Variants in LRRC17 observed in about 807,000 individuals in gnomAD.
LRRC17 encodes leucine rich repeat containing 17, also known as leucine-rich repeat-containing protein 17.
In LRRC17, 33 loss-of-function variants were observed where a neutral mutation model predicts 41.5. The observed-to-expected ratio is 0.80, with a 90% CI of 0.60 to 1.06. The LOEUF (loss-of-function observed/expected upper bound fraction) is 1.06, where lower values mean the gene tolerates loss of function less well. Ranked by LOEUF, LRRC17 falls within the 50% of genes least tolerant of loss-of-function variation. LRRC17 has a pLI of 0.00. For synonymous variants in LRRC17, 192 were observed against 197.0 expected, an observed-to-expected ratio of 0.97 and a Z score of 0.21; for missense variants, 491 against 519.3, an observed-to-expected ratio of 0.95 and a Z score of 0.53.
At chr7:102,932,671 T>C (rs1162099006) in intron 1 of LRRC17, among the ~76,000 whole-genome samples, 3 of 106,246 alleles carry the variant, frequency 2.8e-5, no homozygotes, top group South Asian at 6.4e-4. Flanking sequence ...GTTGGCTCAC[T>C]GCAGCCTCAA....
intron 2 of LRRC17, chr7:102,936,291 G>A (rs954832587): frequency 2.0e-5 from 3 of 152,216 alleles, no homozygotes; most frequent in Non-Finnish European, 4.4e-5. Context: ...GAGGCTCAAA[G>A]AGGTTCAGTC....
chr7:102,919,453 G>T (rs1371844736), intron 1 of LRRC17, among the ~76,000 whole-genome samples: 1 of 152,090 alleles, frequency 6.6e-6, no homozygotes, highest in Non-Finnish European at 1.5e-5. Flanking sequence ...CCCTAGCTGA[G>T]AAAAAATATA....
In LRRC17 at chr7:102,944,531, A is replaced by G. The variant is rs1469030133; in HGVS notation, c.1250A>G (p.Glu417Gly). ...AYPESFDQDT[E>G]DDEWEKKHRD... is the part of the protein sequence containing the mutation. ...CCTGAGTCATTTGACCAAGACACAGAAGATGATGAATGGGAAAAAAAACAT... is the reference window on the plus strand; with the variant it reads ...CCTGAGTCATTTGACCAAGACACAGGAGATGATGAATGGGAAAAAAAACAT... Residue 417 changes from glutamate (E) to glycine (G), a missense_variant, in exon 4 of 4, where the codon GAA (glutamate) becomes GGA (glycine). Glu to Gly is a moderately conservative substitution (Grantham distance 98). Coordinates refer to ENST00000339431, the MANE Select transcript of LRRC17 (RefSeq NM_001031692.3). The G allele has an allele frequency of 6.2e-7, 1 of 1,613,794 alleles. No homozygotes were observed.
At chr7:102,934,944 G>A (rs1246161592) in intron 2 of LRRC17, among the ~76,000 whole-genome samples, 2 of 152,152 alleles carry the variant, frequency 1.3e-5, no homozygotes, top group African/African-American at 2.4e-5. Context: ...TTTGCACATC[G>A]CAAGCTGTCA....
At chr7:102,918,998 T>A (rs117315142) in intron 1 of LRRC17, among the ~76,000 whole-genome samples, 2 of 152,324 alleles carry the variant, frequency 1.3e-5, no homozygotes, top group Non-Finnish European at 2.9e-5. Context: ...CTGGAGGATC[T>A]TAAGTAATTC....
At position 102,944,427 on chromosome 7, in the gene LRRC17, A is replaced by G; in HGVS notation, c.1146A>G (p.Glu382=). 1 of 1,614,112 alleles carries G rather than the reference A, an allele frequency of 6.2e-7. No individual in the cohort carries two copies. Among genetic ancestry groups the G allele is most frequent in the Non-Finnish European group, 8.5e-7 (1 of 1,179,986 alleles). The change falls in exon 4 of 4, where the codon GAA becomes GAG. Residue 382 remains glutamate (E), a synonymous_variant. Coordinates refer to ENST00000339431, the MANE Select transcript of LRRC17 (RefSeq NM_001031692.3). The part of the protein sequence containing the change: ...HFNGLECKTP[E]EYKGWSVGKY... ...ATGGCCTGGAATGCAAAACGCCTGA[A>G]GAATACAAAGGATGGTCTGTGGGAA...
chr7:102,934,556 GA>G lies in LRRC17; in HGVS notation c.645del (p.Glu216LysfsTer44). 1 of 1,472,516 alleles carries G rather than the reference GA, an allele frequency of 6.8e-7. No homozygotes were observed. Among genetic ancestry groups the G allele is most frequent in the South Asian group, 1.2e-5 (1 of 86,700 alleles). The allele number at this position is 1,472,516 out of a possible 1,614,324, so 91.2% of individuals were successfully genotyped here. A position where few individuals can be genotyped will look rare whatever the true frequency, so the allele number is the denominator to read the frequency against. On this transcript the variant is annotated frameshift_variant, in exon 2 of 4. Coordinates refer to ENST00000339431, the MANE Select transcript of LRRC17 (RefSeq NM_001031692.3). LOFTEE classifies it high-confidence loss of function. ...AAAATCTGAACAGTTGTGTAATGAA[GA>G]AGAAAAGGAACAATTGGACCCGAAA... ...QIKSEQLCNEEEKEQLDPKPQ... is the reference protein window; with the variant it reads ...QIKSEQLCNEXEKEQLDPKPQ...
chr7:102,936,834 CAT>C (rs1186768401), intron 2 of LRRC17, among the ~76,000 whole-genome samples: 3 of 152,308 alleles, frequency 2.0e-5, no homozygotes, highest in Non-Finnish European at 2.9e-5. Flanking sequence ...GAAGAGATAA[CAT>C]GTGAGGAAAT....
Position 102,934,009 on chromosome 7 carries a change from T to TG in LRRC17, c.98dup (p.Arg34ProfsTer22). ...GCAGTGTGAGAAGCCGAGTGAATCATGGCCGGGCGGGTGGAGGCCGGAGAG... is the reference window on the plus strand; with the variant it reads ...GCAGTGTGAGAAGCCGAGTGAATCATGGGCCGGGCGGGTGGAGGCCGGAGAG... On this transcript the variant is annotated frameshift_variant, in exon 2 of 4. Transcript: ENST00000339431. LOFTEE classifies it high-confidence loss of function. 6.2e-7 allele frequency: 1 copy of TG among 1,614,106 alleles called. No homozygotes were observed. The highest frequency in any genetic ancestry group is 8.5e-7 in the Non-Finnish European group (1 of 1,179,950).
intron 1 of LRRC17, among the ~76,000 whole-genome samples, chr7:102,931,620 C>A (rs1245057732): frequency 6.6e-6 from 1 of 152,114 alleles, no homozygotes; most frequent in Non-Finnish European, 1.5e-5. Flanking sequence ...ACACACATAC[C>A]ATTAAATATA....
chr7:102,936,170 T>A (rs1302261184), intron 2 of LRRC17: 1 of 152,040 alleles, frequency 6.6e-6, no homozygotes, highest in African/African-American at 2.4e-5. Context: ...AGCAGTTACA[T>A]ACAGCTTCAT....
At chr7:102,913,585 T>A (rs911158210) in intron 1 of LRRC17, among the ~76,000 whole-genome samples, 4 of 152,200 alleles carry the variant, frequency 2.6e-5, no homozygotes, top group Non-Finnish European at 4.4e-5. Context: ...CTTTTAGGTT[T>A]TATCTCTGGA....
At chr7:102,920,752 A>T (rs1363868077) in intron 1 of LRRC17, among the ~76,000 whole-genome samples, 2 of 152,222 alleles carry the variant, frequency 1.3e-5, no homozygotes, top group Admixed American at 1.3e-4. Context: ...TACATATAAA[A>T]GATAAACCTA....
At chr7:102,936,596 G>T (rs1820363448) in intron 2 of LRRC17, among the ~76,000 whole-genome samples, 1 of 152,274 alleles carries the variant, frequency 6.6e-6, no homozygotes, top group African/African-American at 2.4e-5. Flanking sequence ...TGCTTAGATT[G>T]AAAACTGGAA....
chr7:102,928,836 T>C (rs1228362147), intron 1 of LRRC17, among the ~76,000 whole-genome samples: 2 of 152,230 alleles, frequency 1.3e-5, no homozygotes, highest in Non-Finnish European at 2.9e-5. Context: ...TTAAAATCCT[T>C]CTTCATGAAG....
chr7:102,930,681 A>G (rs975939587), intron 1 of LRRC17, among the ~76,000 whole-genome samples: 12 of 152,060 alleles, frequency 7.9e-5, no homozygotes, highest in African/African-American at 2.4e-4. Context: ...TTCTCTTACT[A>G]TTCCTTCTGA....
Position 102,934,091 on chromosome 7 carries a change from C to A in LRRC17, c.178C>A (p.Leu60Ile). 6.2e-7 allele frequency: 1 copy of A among 1,614,176 alleles called. No homozygotes were observed. Among genetic ancestry groups the A allele is most frequent in the Non-Finnish European group, 8.5e-7 (1 of 1,180,008 alleles). ...PGLPCDVYTY[L>I]HEKYLDCQER... ...CCTCCCGTGTGACGTGTACACATATCTCCATGAGAAATACTTAGATTGTCA... is the reference window on the plus strand; with the variant it reads ...CCTCCCGTGTGACGTGTACACATATATCCATGAGAAATACTTAGATTGTCA... Residue 60 changes from leucine to isoleucine, a missense_variant, in exon 2 of 4, where the codon CTC becomes ATC. Leu to Ile is a conservative substitution (Grantham distance 5). Coordinates refer to ENST00000339431, the MANE Select transcript of LRRC17 (RefSeq NM_001031692.3).
At position 102,939,424 on chromosome 7, in the gene LRRC17, T is replaced by G. The variant is rs530370438; in HGVS notation, c.773-6T>G. 1.2e-6 allele frequency: 2 copies of G among 1,604,880 alleles called. No individual in the cohort carries two copies. Among genetic ancestry groups the G allele is most frequent in the Admixed American group, 3.5e-5 (2 of 57,674 alleles). On this transcript the variant is annotated splice_region_variant and splice_polypyrimidine_tract_variant and intron_variant, in intron 2 of 3. Transcript: ENST00000339431. ...ATAATAACGTAAATATTATTAAATTTTCCAGAGTTGAAAAAAGTGCCAAAC... is the reference window on the plus strand; with the variant it reads ...ATAATAACGTAAATATTATTAAATTGTCCAGAGTTGAAAAAAGTGCCAAAC...
At chr7:102,939,946 T>C (rs1203186649) in intron 3 of LRRC17, among the ~76,000 whole-genome samples, 1 of 152,020 alleles carries the variant, frequency 6.6e-6, no homozygotes, top group African/African-American at 2.4e-5. Flanking sequence ...CCAGACTGGA[T>C]TGCAATGGTG....
Sources: gnomAD v4.1 joint callset for allele counts (sites outside exome capture counted in the v4.1 genomes callset) on GRCh38, gnomAD v4.1.1 for gene constraint, MANE v1.5 for transcripts, NCBI Gene and HGNC (gene_info 2026-07-23, HGNC 2026-07-21) for gene names.